GABRB2: variants seen among roughly 807,000 people sequenced by gnomAD.
GABRB2 encodes the protein gamma-aminobutyric acid type A receptor subunit beta2, also known as gamma-aminobutyric acid receptor subunit beta-2.
Under a neutral mutation model 54.7 loss-of-function variants are expected in GABRB2, and 16 were observed. That is an observed-to-expected ratio of 0.29 (90% CI 0.20 to 0.44). The LOEUF is 0.44. Ranked by LOEUF, GABRB2 falls within the 20% of genes least tolerant of loss-of-function variation. GABRB2 has a pLI of 1.00. For missense variants in GABRB2, 355 were observed against 644.0 expected, an observed-to-expected ratio of 0.55 and a Z score of 4.86; for synonymous variants, 244 against 233.8, an observed-to-expected ratio of 1.04 and a Z score of -0.40.
intron 4 of GABRB2, among the ~76,000 whole-genome samples, chr5:161,420,658 A>G (rs1245273896): frequency 6.6e-6 from 1 of 152,188 alleles, no homozygotes; most frequent in African/African-American, 2.4e-5. Context: ...TCAGAAATGG[A>G]AGGCTGCAGA....
intron 3 of GABRB2, among the ~76,000 whole-genome samples, chr5:161,523,512 T>A (rs545185230): frequency 6.6e-6 from 1 of 151,674 alleles, no homozygotes; most frequent in South Asian, 2.1e-4. Context: ...TTTTCTTACA[T>A]CTGAAATTAC....
chr5:161,361,055 A>G (rs1754795176), intron 5 of GABRB2, among the ~76,000 whole-genome samples: 2 of 151,910 alleles, frequency 1.3e-5, no homozygotes, highest in Admixed American at 1.3e-4. Context: ...CTACAATAAT[A>G]CCATCAGCAT....
chr5:161,448,107 T>C, intron 4 of GABRB2, among the ~76,000 whole-genome samples: 1 of 152,164 alleles, frequency 6.6e-6, no homozygotes, highest in Middle Eastern at 3.2e-3. Flanking sequence ...GGTAATTTCT[T>C]CTTGAATTAC....
At chr5:161,361,655 G>A (rs1754813800) in intron 5 of GABRB2, among the ~76,000 whole-genome samples, 1 of 152,112 alleles carries the variant, frequency 6.6e-6, no homozygotes, top group Non-Finnish European at 1.5e-5. Flanking sequence ...GAACAGAGGT[G>A]GGATTTAAAT....
chr5:161,546,755 T>G, upstream of GABRB2: 1 of 1,473,036 alleles, frequency 6.8e-7, no homozygotes, highest in Non-Finnish European at 9.0e-7. Flanking sequence ...TACCAAAACA[T>G]CAAAGGGGAA....
At chr5:161,481,117 G>A (rs929811894) in intron 3 of GABRB2, among the ~76,000 whole-genome samples, 2 of 151,974 alleles carry the variant, frequency 1.3e-5, no homozygotes, top group African/African-American at 4.8e-5. Flanking sequence ...CAAGTGCCTT[G>A]CCAAGTGTGA....
At chr5:161,419,285 C>T (rs541393038) in intron 4 of GABRB2, among the ~76,000 whole-genome samples, 12 of 152,200 alleles carry the variant, frequency 7.9e-5, no homozygotes, top group African/African-American at 2.9e-4. Flanking sequence ...GTCGGAATGG[C>T]TATTATGAAA....
chr5:161,502,643 A>G (rs1429526467), intron 3 of GABRB2, among the ~76,000 whole-genome samples: 1 of 152,192 alleles, frequency 6.6e-6, no homozygotes, highest in African/African-American at 2.4e-5. Flanking sequence ...AACATGGGAA[A>G]TTGAGGTTCG....
chr5:161,432,689 A>G (rs955955058), intron 4 of GABRB2, among the ~76,000 whole-genome samples: 2 of 152,122 alleles, frequency 1.3e-5, no homozygotes, highest in Non-Finnish European at 2.9e-5. Flanking sequence ...CACAAACTAG[A>G]TGAGTGTAGG....
chr5:161,487,280 T>C (rs375742511), intron 3 of GABRB2, among the ~76,000 whole-genome samples: 3 of 151,936 alleles, frequency 2.0e-5, no homozygotes, highest in Non-Finnish European at 4.4e-5. Context: ...CAATCCTAGA[T>C]GAATGATCAC....
intron 3 of GABRB2, among the ~76,000 whole-genome samples, chr5:161,526,626 A>T (rs1320342753): frequency 6.6e-6 from 1 of 151,378 alleles, no homozygotes; most frequent in Non-Finnish European, 1.5e-5. Context: ...TGAAATGGAA[A>T]TGCTAGCCTA....
Position 161,526,563 on chromosome 5 carries a change from G to T in GABRB2, c.237+18664C>A, listed in dbSNP as rs1197146857. The stretch of plus-strand genomic sequence containing the variant: ...GATGATTTGGCTTACTACATTCAAA[G>T]AAGTTTTTTTTTTTTATTTCTATAA... On this transcript the variant is annotated intron_variant, in intron 3 of 9. Coordinates refer to ENST00000393959, the MANE Select transcript of GABRB2 (RefSeq NM_001371727.1). Among the ~76,000 whole-genome samples the T allele has an allele frequency of 2.7e-5, 4 of 150,862 alleles. No individual in the cohort carries two copies. In the South Asian group the frequency reaches 6.2e-4, roughly 24 times the overall value.
chr5:161,369,655 TG>T (rs1323846088), intron 5 of GABRB2, among the ~76,000 whole-genome samples: 1 of 152,118 alleles, frequency 6.6e-6, no homozygotes, highest in Non-Finnish European at 1.5e-5. Flanking sequence ...CTTGGGGGAA[TG>T]TTTTTTTAAC....
intron 3 of GABRB2, among the ~76,000 whole-genome samples, chr5:161,525,027 C>T (rs1760233277): frequency 6.6e-6 from 1 of 151,240 alleles, no homozygotes; most frequent in Non-Finnish European, 1.5e-5. Context: ...GTAGTTAATG[C>T]TCAGAATCAG....
chr5:161,344,899 A>G (rs140615508), intron 5 of GABRB2, among the ~76,000 whole-genome samples: 2,613 of 152,232 alleles, frequency 0.017, 35 homozygotes, highest in Middle Eastern at 0.082. Context: ...TTGCAGGGAC[A>G]TGGATGAAGC....
chr5:161,319,023 A>C (rs1758128025), intron 9 of GABRB2, among the ~76,000 whole-genome samples: 1 of 151,798 alleles, frequency 6.6e-6, no homozygotes, highest in African/African-American at 2.4e-5. Flanking sequence ...TCATTCCCTT[A>C]AATTTTGTTT....
chr5:161,397,780 A>G (rs1188319724), intron 5 of GABRB2, among the ~76,000 whole-genome samples: 1 of 152,186 alleles, frequency 6.6e-6, no homozygotes. Flanking sequence ...TTTTCTCAGT[A>G]TATTTTAAAT....
intron 5 of GABRB2, among the ~76,000 whole-genome samples, chr5:161,397,033 C>G (rs904261041): frequency 6.6e-6 from 1 of 152,138 alleles, no homozygotes; most frequent in Non-Finnish European, 1.5e-5. Flanking sequence ...GTAGCTATTG[C>G]TCATCTTACA....
intron 8 of GABRB2, chr5:161,327,041 G>GAC (rs150178203): frequency 0.081 from 40,178 of 495,092 alleles, 4,983 homozygotes; most frequent in African/African-American, 0.37. Context: ...ATTCCATTAG[G>GAC]ACACACACAC....
Sources: allele counts gnomAD v4.1 joint callset (sites outside exome capture counted in the v4.1 genomes callset), GRCh38; gene constraint gnomAD v4.1.1; transcripts MANE v1.5; gene names NCBI Gene and HGNC (gene_info 2026-07-23, HGNC 2026-07-21).